Variants in LRBA observed in about 807,000 individuals in gnomAD.
The protein encoded by LRBA is lipopolysaccharide-responsive and beige-like anchor protein.
A neutral mutation model predicts 330.0 loss-of-function variants in LRBA; 176 were observed. The observed-to-expected ratio is 0.53, with a 90% confidence interval of 0.47 to 0.60. The LOEUF (loss-of-function observed/expected upper bound fraction) is 0.60. Ranked by LOEUF, LRBA falls within the 20% of genes least tolerant of loss-of-function variation. The pLI is 0.00. For missense variants in LRBA, 3,259 were observed against 3,444.8 expected (o/e 0.95, Z 1.35); for synonymous variants, 1,230 against 1,193.0 (o/e 1.03, Z -0.64).
At chr4:150,747,631 G>T (rs1435932286) in intron 35 of LRBA, among the ~76,000 whole-genome samples, 1 of 152,108 alleles carries the variant, frequency 6.6e-6, no homozygotes, top group Non-Finnish European at 1.5e-5. Flanking sequence ...CTGTGAAAAG[G>T]TTCTTAAGGT....
chr4:150,422,925 T>G (rs1051306120), intron 46 of LRBA: 12 of 799,516 alleles, frequency 1.5e-5, no homozygotes, highest in Non-Finnish European at 2.7e-5. Flanking sequence ...GGATGCCAGC[T>G]CTGTACAAGA....
chr4:150,556,072 G>A (rs184623482), intron 40 of LRBA, among the ~76,000 whole-genome samples: 1 of 151,482 alleles, frequency 6.6e-6, no homozygotes, highest in African/African-American at 2.4e-5. Flanking sequence ...CAAAGTGCTG[G>A]GACTACAGGT....
chr4:150,674,408 G>T (rs558346791), intron 37 of LRBA, among the ~76,000 whole-genome samples: 1 of 150,710 alleles, frequency 6.6e-6, no homozygotes, highest in Non-Finnish European at 1.5e-5. Context: ...AAAAAAAAAA[G>T]CTTTATTACT....
chr4:150,265,572 A>G lies in LRBA; in HGVS notation c.*150T>C. ...TAATCCCCCCCAAAAAAGTCAAGCAAAGACTACAAAAATAGCAATTATTAA... is the reference window on the plus strand; with the variant it reads ...TAATCCCCCCCAAAAAAGTCAAGCAGAGACTACAAAAATAGCAATTATTAA... On this transcript the variant is annotated 3_prime_UTR_variant, in exon 57 of 57. Coordinates refer to ENST00000651943, the MANE Select transcript of LRBA (RefSeq NM_001364905.1). 1.7e-6 allele frequency: 1 copy of G among 579,370 alleles called. No homozygotes were observed. The allele number at this position is 579,370 out of a possible 1,614,324, so 35.9% of individuals were successfully genotyped here.
intron 46 of LRBA, among the ~76,000 whole-genome samples, chr4:150,422,321 T>G (rs1288390847): frequency 1.3e-5 from 2 of 152,110 alleles, no homozygotes; most frequent in Non-Finnish European, 2.9e-5. Context: ...CACAACTGTT[T>G]CCCATAGGCT....
At chr4:150,770,626 C>CA (rs1736434212) in intron 34 of LRBA, among the ~76,000 whole-genome samples, 1 of 150,928 alleles carries the variant, frequency 6.6e-6, no homozygotes, top group Non-Finnish European at 1.5e-5. Context: ...TATACACACA[C>CA]AAAATAAGAA....
chr4:150,933,930 G>A (rs1173751345), intron 2 of LRBA, among the ~76,000 whole-genome samples: 1 of 151,856 alleles, frequency 6.6e-6, no homozygotes, highest in South Asian at 2.1e-4. Context: ...AGGCTGAGGT[G>A]GGAGAATGGC....
chr4:150,663,559 A>AG (rs1781314969), intron 37 of LRBA, among the ~76,000 whole-genome samples: 2 of 152,124 alleles, frequency 1.3e-5, no homozygotes, highest in African/African-American at 4.8e-5. Flanking sequence ...CTGAAAAAAA[A>AG]AAAAGAAGAG....
intron 34 of LRBA, among the ~76,000 whole-genome samples, chr4:150,772,459 C>T (rs1736713570): frequency 6.6e-6 from 1 of 152,174 alleles, no homozygotes; most frequent in Non-Finnish European, 1.5e-5. Context: ...TACATCACTT[C>T]GATTTGATGA....
intron 40 of LRBA, among the ~76,000 whole-genome samples, chr4:150,561,106 C>T (rs1294883523): frequency 6.6e-6 from 1 of 152,164 alleles, no homozygotes. Context: ...ATTATTGTCA[C>T]AAGTTTTATT....
intron 40 of LRBA, among the ~76,000 whole-genome samples, chr4:150,571,912 C>G (rs1285543494): frequency 1.3e-5 from 2 of 151,012 alleles, no homozygotes; most frequent in Admixed American, 6.6e-5. Flanking sequence ...TGCAAGGGTC[C>G]TGGTACGACC....
chr4:150,397,337 G>T (rs1216295264), intron 47 of LRBA, among the ~76,000 whole-genome samples: 3 of 152,082 alleles, frequency 2.0e-5, no homozygotes, highest in South Asian at 4.1e-4. Flanking sequence ...GGAGTGCAGT[G>T]ACACAATCAG....
chr4:150,412,142 G>C (rs371556497), intron 47 of LRBA, among the ~76,000 whole-genome samples: 57 of 152,182 alleles, frequency 3.7e-4, no homozygotes, highest in South Asian at 3.3e-3. Context: ...GAATTAAAAT[G>C]ACCAGATATA....
At chr4:150,469,941 G>A (rs915407486) in intron 43 of LRBA, among the ~76,000 whole-genome samples, 5 of 152,162 alleles carry the variant, frequency 3.3e-5, no homozygotes, top group African/African-American at 1.2e-4. Context: ...CTAGCACTTT[G>A]GGAGGTAGAG....
At chr4:150,872,957 G>A (rs1177962891) in intron 17 of LRBA, among the ~76,000 whole-genome samples, 1 of 152,062 alleles carries the variant, frequency 6.6e-6, no homozygotes, top group East Asian at 1.9e-4. Context: ...GAAGAAATTG[G>A]AATATAAGAA....
chr4:150,570,518 T>C (rs190084726), intron 40 of LRBA, among the ~76,000 whole-genome samples: 1 of 152,112 alleles, frequency 6.6e-6, no homozygotes, highest in African/African-American at 2.4e-5. Flanking sequence ...TCTTACACTT[T>C]AGGGGAAAGC....
rs1335850338 is a variant in LRBA at position 150,541,291 on chromosome 4, C to G, written c.6330+46757G>C. 2.0e-5 allele frequency among the ~76,000 whole-genome samples: 3 copies of G among 152,290 alleles called. No homozygotes were observed. In the East Asian group the frequency reaches 5.8e-4, roughly 29 times the overall value. On this transcript the variant is annotated intron_variant, in intron 40 of 56. Transcript: ENST00000651943. ...TAAAAAGGTTTCCCAGAACTCCAACCCAGCTTCTACTTATCTCTTGCTGGC... is the reference window on the plus strand; with the variant it reads ...TAAAAAGGTTTCCCAGAACTCCAACGCAGCTTCTACTTATCTCTTGCTGGC...
At chr4:150,762,558 T>C (rs929923208) in intron 34 of LRBA, among the ~76,000 whole-genome samples, 5 of 151,698 alleles carry the variant, frequency 3.3e-5, no homozygotes, top group African/African-American at 7.3e-5. Flanking sequence ...ATTAATACAA[T>C]AAGGAAAGGC....
intron 36 of LRBA, among the ~76,000 whole-genome samples, chr4:150,724,916 A>C (rs1218274575): frequency 2.0e-5 from 3 of 149,504 alleles, no homozygotes; most frequent in African/African-American, 7.3e-5. Flanking sequence ...ACACACACAC[A>C]CACACATACA....
Sources: allele counts gnomAD v4.1 joint callset (sites outside exome capture counted in the v4.1 genomes callset), GRCh38; gene constraint gnomAD v4.1.1; transcripts MANE v1.5; gene names NCBI Gene and HGNC (gene_info 2026-07-23, HGNC 2026-07-21).